The following BCAS4 variants were observed in gnomAD, a reference collection of about 807,000 sequenced individuals.
BCAS4 encodes breast carcinoma amplified sequence 4.
Under a neutral mutation model 15.7 loss-of-function variants are expected in BCAS4, and 9 were observed. That is an observed-to-expected ratio of 0.57 (90% confidence interval 0.34 to 1.00). BCAS4 has a LOEUF of 1.00. BCAS4 is among the 50% of genes least tolerant of loss of function. The pLI, the probability that BCAS4 is intolerant of heterozygous loss-of-function variation, is 0.02. For synonymous variants in BCAS4, 101 were observed against 99.5 expected, an observed-to-expected ratio of 1.02 and a Z score of -0.09; for missense variants, 225 against 239.1, an observed-to-expected ratio of 0.94 and a Z score of 0.39.
intron 4 of BCAS4, among the ~76,000 whole-genome samples, chr20:50,866,307 G>T (rs918187277): frequency 6.6e-6 from 1 of 152,188 alleles, no homozygotes; most frequent in Non-Finnish European, 1.5e-5. Flanking sequence ...ATCCTCTTCA[G>T]CCTTACGGAG....
At chr20:50,801,879 C>T (rs1015251584) in intron 1 of BCAS4, among the ~76,000 whole-genome samples, 2 of 152,020 alleles carry the variant, frequency 1.3e-5, no homozygotes, top group South Asian at 2.1e-4. Flanking sequence ...AGCAGATGCC[C>T]GGCCACAGGG....
intron 3 of BCAS4, among the ~76,000 whole-genome samples, chr20:50,831,431 G>T (rs2088342452): frequency 6.6e-6 from 1 of 152,052 alleles, no homozygotes; most frequent in Non-Finnish European, 1.5e-5. Flanking sequence ...AAAAAAAATG[G>T]GTGGAGCTGG....
intron 4 of BCAS4, 143 bp from the exon 5 acceptor site, chr20:50,876,343 T>C: frequency 8.6e-7 from 1 of 1,160,290 alleles, no homozygotes; most frequent in Non-Finnish European, 1.2e-6. Context: ...GCTTTGGCTG[T>C]CACAGGCAGT....
intron 1 of BCAS4, among the ~76,000 whole-genome samples, chr20:50,805,065 T>C (rs1444815027): frequency 1.3e-5 from 2 of 152,322 alleles, no homozygotes; most frequent in East Asian, 3.9e-4. Flanking sequence ...TTTGTGTGTG[T>C]GTGTGTGTAT....
chr20:50,835,794 CT>C (rs765607117), intron 3 of BCAS4, among the ~76,000 whole-genome samples: 5 of 152,152 alleles, frequency 3.3e-5, no homozygotes, highest in Non-Finnish European at 7.3e-5. Flanking sequence ...TGCACGTCTG[CT>C]TTCCTTAGAG....
chr20:50,815,472 A>C (rs555431121), intron 1 of BCAS4, among the ~76,000 whole-genome samples: 1 of 152,014 alleles, frequency 6.6e-6, no homozygotes, highest in African/African-American at 2.4e-5. Flanking sequence ...AGAACAACCA[A>C]TCTTCTCCTC....
intron 2 of BCAS4, among the ~76,000 whole-genome samples, chr20:50,823,121 C>G (rs908503849): frequency 6.6e-6 from 1 of 151,802 alleles, no homozygotes; most frequent in Non-Finnish European, 1.5e-5. Context: ...GGGTGGATCA[C>G]CTGAGGTCAG....
chr20:50,870,037 T>C (rs1388627450), intron 4 of BCAS4, among the ~76,000 whole-genome samples: 3 of 152,074 alleles, frequency 2.0e-5, no homozygotes, highest in South Asian at 2.1e-4. Flanking sequence ...GCATGAGCCA[T>C]CACACCCAGC....
At chr20:50,813,465 G>A (rs779313702) in intron 1 of BCAS4, among the ~76,000 whole-genome samples, 1 of 152,300 alleles carries the variant, frequency 6.6e-6, no homozygotes, top group Middle Eastern at 3.4e-3. Flanking sequence ...GGTGACTTGC[G>A]CCATGGTGCT....
intron 4 of BCAS4, among the ~76,000 whole-genome samples, chr20:50,873,494 G>T (rs1382268835): frequency 1.3e-5 from 2 of 152,230 alleles, no homozygotes; most frequent in Admixed American, 6.5e-5. Context: ...GAACTCCCAT[G>T]ATTCACTTGA....
upstream of BCAS4, chr20:50,794,951 C>T (rs2087830981): frequency 2.5e-6 from 3 of 1,190,702 alleles, no homozygotes; most frequent in African/African-American, 3.2e-5. Context: ...CCGCGACCGC[C>T]GGGAGCGCAC....
At chr20:50,863,110 A>G (rs1353117978) in intron 4 of BCAS4, among the ~76,000 whole-genome samples, 3 of 151,634 alleles carry the variant, frequency 2.0e-5, no homozygotes, top group African/African-American at 7.3e-5. Flanking sequence ...GATTACAGGC[A>G]TGAGCCACCA....
chr20:50,822,898 G>A (rs2088233783), intron 2 of BCAS4, among the ~76,000 whole-genome samples: 1 of 151,766 alleles, frequency 6.6e-6, no homozygotes, highest in South Asian at 2.1e-4. Context: ...AAGTGCTGGG[G>A]ATTACAGGCG....
intron 1 of BCAS4, among the ~76,000 whole-genome samples, chr20:50,796,452 CATATATATAT>C (rs1245993218): frequency 0.015 from 324 of 21,144 alleles, 17 homozygotes; most frequent in African/African-American, 0.038. Flanking sequence ...TCTTTTTCTC[CATATATATAT>C]ATATATATAT....
At chr20:50,870,275 A>G (rs1979568822) in intron 4 of BCAS4, among the ~76,000 whole-genome samples, 1 of 152,146 alleles carries the variant, frequency 6.6e-6, no homozygotes. Flanking sequence ...GCTTCCCGAG[A>G]GGGAGATGCG....
intron 4 of BCAS4, among the ~76,000 whole-genome samples, chr20:50,869,743 T>C (rs1979538142): frequency 6.4e-5 from 3 of 47,224 alleles, no homozygotes; most frequent in Non-Finnish European, 3.6e-5. Context: ...CTGGCACTGC[T>C]TTTTTTTTTT....
intron 4 of BCAS4, among the ~76,000 whole-genome samples, chr20:50,861,858 T>TC (rs1979095313): frequency 7.0e-6 from 1 of 141,868 alleles, no homozygotes; most frequent in South Asian, 2.3e-4. Context: ...TTTTTTTTTT[T>TC]TTTTTTTTTT....
intron 4 of BCAS4, among the ~76,000 whole-genome samples, chr20:50,870,117 G>C (rs1196028995): frequency 2.0e-5 from 3 of 152,162 alleles, no homozygotes; most frequent in African/African-American, 7.2e-5. Flanking sequence ...TCTATGGCTG[G>C]ATTTATACTA....
chr20:50,856,803 A>G (rs373486220), intron 4 of BCAS4, among the ~76,000 whole-genome samples: 28 of 152,244 alleles, frequency 1.8e-4, no homozygotes, highest in East Asian at 1.4e-3. Flanking sequence ...TCTGGCCAGC[A>G]GTCATTTATT....
Sources: gnomAD v4.1 joint callset for allele counts (sites outside exome capture counted in the v4.1 genomes callset) on GRCh38, gnomAD v4.1.1 for gene constraint, MANE v1.5 for transcripts, NCBI Gene and HGNC (gene_info 2026-07-23, HGNC 2026-07-21) for gene names.